The following RBFOX1 variants were observed in gnomAD, a reference collection of about 807,000 sequenced individuals.
RBFOX1 encodes the protein RNA binding protein fox-1 homolog 1.
A neutral mutation model predicts 57.7 loss-of-function variants in RBFOX1; 8 were observed. The observed-to-expected ratio is 0.14, with a 90% CI of 0.08 to 0.25. The LOEUF is 0.25. Ranked by LOEUF, RBFOX1 falls within the 10% of genes least tolerant of loss-of-function variation. RBFOX1 has a pLI of 1.00. For missense variants in RBFOX1, 611 were observed against 548.5 expected (o/e 1.11, Z -1.14); for synonymous variants, 326 against 222.4 (o/e 1.47, Z -4.15).
chr16:5,490,626 T>G (rs9921616), intron 2 of RBFOX1, among the ~76,000 whole-genome samples: 8,949 of 152,134 alleles, frequency 0.059, 861 homozygotes, highest in African/African-American at 0.2. Flanking sequence ...CCTGCCTTGG[T>G]TCCTCTGGGC....
intron 3 of RBFOX1, among the ~76,000 whole-genome samples, chr16:6,740,624 T>C (rs531181223): frequency 1.3e-5 from 2 of 152,188 alleles, no homozygotes; most frequent in East Asian, 3.9e-4. Flanking sequence ...TAAAATACAA[T>C]ACAATTTTAA....
intron 1 of RBFOX1, among the ~76,000 whole-genome samples, chr16:6,165,487 T>G (rs11642397): frequency 6.6e-6 from 1 of 151,794 alleles, no homozygotes; most frequent in African/African-American, 2.4e-5. Context: ...CTCAAAAGAG[T>G]TCAAAATGAG....
At chr16:5,736,407 G>T (rs1275477116) in intron 3 of RBFOX1, among the ~76,000 whole-genome samples, 1 of 152,044 alleles carries the variant, frequency 6.6e-6, no homozygotes, top group Admixed American at 6.6e-5. Flanking sequence ...GTGGGGTGAT[G>T]GGAGGTGTGA....
intron 2 of RBFOX1, among the ~76,000 whole-genome samples, chr16:5,560,192 T>C (rs1181925442): frequency 2.6e-5 from 4 of 152,206 alleles, no homozygotes; most frequent in Non-Finnish European, 5.9e-5. Flanking sequence ...TGAAATACCT[T>C]GCTTGCTAAC....
At position 5,480,430 on chromosome 16, in the gene RBFOX1, A is replaced by G. The variant is rs905178579; in HGVS notation, c.258+13176A>G. Among the ~76,000 whole-genome samples, 9 of 152,300 alleles carry G rather than the reference A, an allele frequency of 5.9e-5. No homozygotes were observed. In the East Asian group the frequency reaches 1.7e-3, roughly 29 times the overall value. On this transcript the variant is annotated intron_variant, in intron 2 of 2. Transcript: ENST00000585867. ...TTACAGCTTCCTTTCTCAAAAATAC[A>G]GACAAGTATTAAGAAGAAAATAAAA...
intron 1 of RBFOX1, among the ~76,000 whole-genome samples, chr16:5,368,223 G>T (rs554176627): frequency 1.3e-5 from 2 of 152,208 alleles, no homozygotes; most frequent in African/African-American, 4.8e-5. Flanking sequence ...TGAATCATTG[G>T]AGAAGCGTGA....
intron 1 of RBFOX1, among the ~76,000 whole-genome samples, chr16:5,411,765 C>G (rs938182598): frequency 4.0e-5 from 6 of 151,858 alleles, no homozygotes; most frequent in African/African-American, 1.2e-4. Context: ...GCATGGTGGT[C>G]TCATCTACTC....
intron 4 of RBFOX1, among the ~76,000 whole-genome samples, chr16:7,152,658 G>T (rs1336065060): frequency 6.6e-6 from 1 of 152,156 alleles, no homozygotes; most frequent in Admixed American, 6.5e-5. Flanking sequence ...GCAGATGTCA[G>T]TGAAAAGGAA....
At chr16:7,059,669 C>G (rs74008587) in intron 4 of RBFOX1, among the ~76,000 whole-genome samples, 6 of 152,186 alleles carry the variant, frequency 3.9e-5, no homozygotes, top group Non-Finnish European at 8.8e-5. Context: ...TTAATACATA[C>G]TGTCCCATCT....
At chr16:7,217,045 C>T (rs1238767962) in intron 4 of RBFOX1, among the ~76,000 whole-genome samples, 1 of 116,310 alleles carries the variant, frequency 8.6e-6, no homozygotes, top group Non-Finnish European at 1.7e-5. Context: ...CCCTCCCTCC[C>T]TCCCTCCCTC....
chr16:7,044,197 A>G (rs1401318146), intron 3 of RBFOX1, among the ~76,000 whole-genome samples: 1 of 152,040 alleles, frequency 6.6e-6, no homozygotes, highest in Non-Finnish European at 1.5e-5. Flanking sequence ...ATGGGTGTGT[A>G]TGTGTGTGAG....
intron 1 of RBFOX1, among the ~76,000 whole-genome samples, chr16:6,023,716 C>T (rs969265181): frequency 6.6e-6 from 1 of 152,182 alleles, no homozygotes; most frequent in African/African-American, 2.4e-5. Context: ...TAAGCATCAT[C>T]CACAAATTAA....
chr16:7,528,043 G>C (rs1197140000), intron 5 of RBFOX1, among the ~76,000 whole-genome samples: 3 of 152,192 alleles, frequency 2.0e-5, no homozygotes, highest in African/African-American at 7.2e-5. Context: ...CTTGGTCTAA[G>C]TCTAGGTCGT....
intron 3 of RBFOX1, among the ~76,000 whole-genome samples, chr16:6,878,049 A>C (rs979291735): frequency 6.6e-6 from 1 of 152,278 alleles, no homozygotes; most frequent in South Asian, 2.1e-4. Context: ...GATGGAGCTG[A>C]AAGACACACA....
rs34445060 is a variant in RBFOX1 at position 6,783,441 on chromosome 16, C to CAAA, written c.-16+128804_-16+128806dup. ...TGCTTTGTAGTTACCATGAAGCTTG[C>CAAA]AAAAAAAAAAAAAAATCTTATAACC... On this transcript the variant is annotated intron_variant, in intron 3 of 15. Coordinates refer to ENST00000550418, the MANE Select transcript of RBFOX1 (RefSeq NM_018723.4). Among the ~76,000 whole-genome samples the CAAA allele has an allele frequency of 2.0e-3, 248 of 125,950 alleles. 2 individuals carry two copies. The highest frequency in any genetic ancestry group is 3.1e-3 in the East Asian group (14 of 4,500). The allele number at this position is 125,950 out of a possible 152,430, so 82.6% of individuals were successfully genotyped here.
At chr16:5,272,575 C>T (rs1367692997) in intron 1 of RBFOX1, among the ~76,000 whole-genome samples, 2 of 152,178 alleles carry the variant, frequency 1.3e-5, no homozygotes, top group Admixed American at 6.5e-5. Flanking sequence ...TCTACCGATA[C>T]CCCACTGACG....
intron 14 of RBFOX1, among the ~76,000 whole-genome samples, chr16:7,696,647 G>A (rs575811313): frequency 6.6e-6 from 1 of 152,284 alleles, no homozygotes; most frequent in African/African-American, 2.4e-5. Context: ...CTCATCAAAA[G>A]ACCTTCATGG....
chr16:6,707,022 A>G (rs2062871921), intron 3 of RBFOX1, among the ~76,000 whole-genome samples: 1 of 152,198 alleles, frequency 6.6e-6, no homozygotes, highest in African/African-American at 2.4e-5. Flanking sequence ...ATAGTATATC[A>G]TCTCTAATGA....
At chr16:6,294,475 T>C (rs937250682) in intron 1 of RBFOX1, among the ~76,000 whole-genome samples, 11 of 152,240 alleles carry the variant, frequency 7.2e-5, no homozygotes, top group African/African-American at 2.7e-4. Flanking sequence ...TAATCTCACT[T>C]GCAGTTTGTG....
Sources: gnomAD v4.1 joint callset for allele counts (sites outside exome capture counted in the v4.1 genomes callset) on GRCh38, gnomAD v4.1.1 for gene constraint, MANE v1.5 for transcripts, NCBI Gene and HGNC (gene_info 2026-07-23, HGNC 2026-07-21) for gene names.